PDS5B: variants seen among roughly 807,000 people sequenced by gnomAD.
The protein encoded by PDS5B is PDS5 cohesin associated factor B, also known as sister chromatid cohesion protein PDS5 homolog B.
Under a neutral mutation model 184.1 loss-of-function variants are expected in PDS5B, and 51 were observed. The ratio of observed to expected loss-of-function variants is 0.28; its 90% CI spans 0.22 to 0.35. The LOEUF (loss-of-function observed/expected upper bound fraction) is 0.35, where lower values mean the gene tolerates loss of function less well. Ranked by LOEUF, PDS5B falls within the 10% of genes least tolerant of loss-of-function variation. The probability of loss-of-function intolerance (pLI) is 1.00; values close to 1 mark genes in which losing one functional copy is unlikely to be tolerated. For synonymous variants in PDS5B, 566 were observed against 569.2 expected (o/e 0.99, Z 0.08); for missense variants, 1,180 against 1,723.3 (o/e 0.68, Z 5.58).
chr13:32,655,187 T>A (rs1335550475), intron 3 of PDS5B, among the ~76,000 whole-genome samples: 1 of 130,024 alleles, frequency 7.7e-6, no homozygotes, highest in South Asian at 2.3e-4. Context: ...CTTGCCAGCA[T>A]CTGTCATTTT....
chr13:32,588,673 C>T (rs899451195), intron 1 of PDS5B, among the ~76,000 whole-genome samples: 1 of 152,140 alleles, frequency 6.6e-6, no homozygotes, highest in Non-Finnish European at 1.5e-5. Context: ...TCTCCCCTCT[C>T]CCCATATTAG....
intron 19 of PDS5B, among the ~76,000 whole-genome samples, chr13:32,710,943 T>C (rs1377119959): frequency 6.6e-6 from 1 of 152,220 alleles, no homozygotes; most frequent in Non-Finnish European, 1.5e-5. Flanking sequence ...GTGTACTTTA[T>C]TCTAGAAACT....
At chr13:32,661,481 A>G (rs190312473) in intron 6 of PDS5B, among the ~76,000 whole-genome samples, 4 of 151,722 alleles carry the variant, frequency 2.6e-5, no homozygotes, top group Admixed American at 2.0e-4. Context: ...ACATATTTAG[A>G]GAACTGGGAT....
intron 1 of PDS5B, among the ~76,000 whole-genome samples, chr13:32,633,269 A>C (rs1027694944): frequency 1.3e-5 from 2 of 152,202 alleles, no homozygotes; most frequent in African/African-American, 4.8e-5. Context: ...ATAATTAATA[A>C]TGTCACTTAA....
chr13:32,687,398 T>G, intron 12 of PDS5B, 113 bp downstream of exon 12: 1 of 755,234 alleles, frequency 1.3e-6, no homozygotes, highest in Non-Finnish European at 2.1e-6. Context: ...CAGTTTTTAG[T>G]GCAAGGTAAT....
chr13:32,696,931 TG>T, intron 15 of PDS5B, 29 bp downstream of exon 15: 4 of 1,321,812 alleles, frequency 3.0e-6, no homozygotes, highest in Non-Finnish European at 4.3e-6. Context: ...TGTATAAAAA[TG>T]TAATTTTTAT....
chr13:32,694,903 A>C (rs1951659648), intron 14 of PDS5B, among the ~76,000 whole-genome samples: 3 of 151,828 alleles, frequency 2.0e-5, no homozygotes, highest in Non-Finnish European at 3.0e-5. Flanking sequence ...AATTCATCTA[A>C]AAAGCAGTGC....
chr13:32,701,634 A>ATG (rs1491565694), intron 17 of PDS5B, among the ~76,000 whole-genome samples, 196 bp downstream of exon 17: 1 of 151,958 alleles, frequency 6.6e-6, no homozygotes, highest in African/African-American at 2.4e-5. Context: ...ATATATATAT[A>ATG]TACACTCATC....
chr13:32,605,258 TGG>T (rs1269057735), intron 1 of PDS5B, among the ~76,000 whole-genome samples: 5 of 152,238 alleles, frequency 3.3e-5, no homozygotes, highest in African/African-American at 4.8e-5. Flanking sequence ...CCAGAGATTC[TGG>T]TATGTTGTGT....
chr13:32,771,746 A>G (rs1317771128), intron 33 of PDS5B, among the ~76,000 whole-genome samples: 1 of 152,138 alleles, frequency 6.6e-6, no homozygotes, highest in Non-Finnish European at 1.5e-5. Context: ...CAACCAAATC[A>G]CTATTTCTAA....
intron 1 of PDS5B, among the ~76,000 whole-genome samples, chr13:32,630,708 C>G (rs1389331607): frequency 6.6e-6 from 1 of 151,908 alleles, no homozygotes; most frequent in Non-Finnish European, 1.5e-5. Context: ...TATCATCATT[C>G]TTTTTCAGGT....
At chr13:32,670,719 T>C (rs3783267) in intron 7 of PDS5B, among the ~76,000 whole-genome samples, 56,743 of 152,052 alleles carry the variant, frequency 0.37, 11,173 homozygotes, top group Non-Finnish European at 0.44. Context: ...TTATCACAAA[T>C]TTTAGGATAT....
chr13:32,607,092 C>A (rs563482771), intron 1 of PDS5B, among the ~76,000 whole-genome samples: 2 of 152,348 alleles, frequency 1.3e-5, no homozygotes, highest in East Asian at 3.9e-4. Flanking sequence ...AGCTTTGTTC[C>A]ATTGCTGGCG....
intron 25 of PDS5B, among the ~76,000 whole-genome samples, 170 bp from the exon 26 acceptor site, chr13:32,755,672 T>G (rs972590974): frequency 1.3e-5 from 2 of 152,148 alleles, no homozygotes; most frequent in African/African-American, 4.8e-5. Context: ...ACAGGGTATT[T>G]CAATATATTT....
chr13:32,594,190 T>G (rs1452450536), intron 1 of PDS5B, among the ~76,000 whole-genome samples: 2 of 152,192 alleles, frequency 1.3e-5, no homozygotes, highest in African/African-American at 4.8e-5. Context: ...TTCTTTAGTG[T>G]TTGGGATAAG....
intron 1 of PDS5B, among the ~76,000 whole-genome samples, chr13:32,640,711 TTGG>T (rs2058646242): frequency 1.3e-5 from 2 of 152,084 alleles, no homozygotes; most frequent in African/African-American, 4.8e-5. Context: ...TTACTATTAA[TTGG>T]TGGTAAATTT....
intron 1 of PDS5B, among the ~76,000 whole-genome samples, chr13:32,614,035 T>C (rs942015164): frequency 6.6e-5 from 10 of 152,326 alleles, no homozygotes; most frequent in African/African-American, 2.4e-4. Flanking sequence ...GAAAATCAAT[T>C]GATTGTAAAT....
intron 13 of PDS5B, among the ~76,000 whole-genome samples, chr13:32,693,875 G>A (rs909423618): frequency 1.3e-5 from 2 of 151,482 alleles, no homozygotes; most frequent in Non-Finnish European, 3.0e-5. Flanking sequence ...TTAAGAAAAA[G>A]TATCCCCATT....
At chr13:32,733,173 C>T (rs1382413986) in intron 20 of PDS5B, among the ~76,000 whole-genome samples, 1 of 152,110 alleles carries the variant, frequency 6.6e-6, no homozygotes, top group Admixed American at 6.6e-5. Flanking sequence ...CTTTTCCTCT[C>T]AATAGTGATG....
Sources: gnomAD v4.1 joint callset for allele counts (sites outside exome capture counted in the v4.1 genomes callset) on GRCh38, gnomAD v4.1.1 for gene constraint, MANE v1.5 for transcripts, NCBI Gene and HGNC (gene_info 2026-07-23, HGNC 2026-07-21) for gene names.